The following STAG1 variants were observed in gnomAD, a reference collection of about 807,000 sequenced individuals.
The protein encoded by STAG1 is cohesin subunit SA-1.
In STAG1, 26 loss-of-function variants were observed where a neutral mutation model predicts 170.9. That is an observed-to-expected ratio of 0.15 (90% CI 0.11 to 0.21). The LOEUF (loss-of-function observed/expected upper bound fraction) is 0.21. Among genes scored for constraint, STAG1 ranks in the 10% least tolerant of loss-of-function variants. The probability of loss-of-function intolerance (pLI) is 1.00; values close to 1 mark genes in which losing one functional copy is unlikely to be tolerated. For missense variants in STAG1, 964 were observed against 1,509.5 expected, an observed-to-expected ratio of 0.64 and a Z score of 5.99; for synonymous variants, 514 against 497.7, an observed-to-expected ratio of 1.03 and a Z score of -0.44.
intron 13 of STAG1, among the ~76,000 whole-genome samples, chr3:136,463,886 C>A (rs1292527689): frequency 1.4e-5 from 2 of 142,624 alleles, no homozygotes; most frequent in Admixed American, 7.0e-5. Flanking sequence ...TACATATATA[C>A]TTATATATAC....
At chr3:136,394,708 T>A (rs143083192) in intron 22 of STAG1, among the ~76,000 whole-genome samples, 71 of 151,496 alleles carry the variant, frequency 4.7e-4, no homozygotes, top group African/African-American at 1.7e-3. Flanking sequence ...ATCCCAGCAA[T>A]TTGGGAGGCG....
intron 5 of STAG1, among the ~76,000 whole-genome samples, chr3:136,560,344 G>C (rs138331500): frequency 9.1e-4 from 139 of 152,194 alleles, no homozygotes; most frequent in African/African-American, 3.1e-3. Flanking sequence ...TCTGAAATTA[G>C]TTATGTTTAA....
chr3:136,347,961 T>C (rs1936295490), intron 29 of STAG1, among the ~76,000 whole-genome samples: 1 of 152,216 alleles, frequency 6.6e-6, no homozygotes, highest in African/African-American at 2.4e-5. Flanking sequence ...AACTCTCATG[T>C]TAGAATTTGT....
Position 136,466,619 on chromosome 3 carries a change from C to A in STAG1, c.1206-1631G>T, listed in dbSNP as rs531957796. Among the ~76,000 whole-genome samples the A allele has an allele frequency of 4.7e-4, 72 of 152,272 alleles. No homozygotes were observed. In the East Asian group the frequency reaches 9.1e-3, roughly 19 times the overall value. ...GGAGAACTTCCCCAATCTAGCAAGG[C>A]AGGCCAACGTTCAGATTCAGGAAAT... On this transcript the variant is annotated intron_variant, in intron 12 of 33. Coordinates refer to ENST00000383202, the MANE Select transcript of STAG1 (RefSeq NM_005862.3).
chr3:136,705,242 G>A (rs1943195258), intron 1 of STAG1, among the ~76,000 whole-genome samples: 1 of 152,132 alleles, frequency 6.6e-6, no homozygotes. Flanking sequence ...CACACGTGGT[G>A]GCATGCGCCT....
At chr3:136,579,813 T>C (rs1030704496) in intron 4 of STAG1, among the ~76,000 whole-genome samples, 3 of 152,138 alleles carry the variant, frequency 2.0e-5, no homozygotes, top group Non-Finnish European at 4.4e-5. Context: ...AGTACAATGC[T>C]GTCAGTGTAT....
At chr3:136,473,491 C>T (rs751137883) in intron 11 of STAG1, 48 bp downstream of exon 11, 2 of 1,373,646 alleles carry the variant, frequency 1.5e-6, no homozygotes, top group African/African-American at 1.4e-5. Context: ...CTGTAACTAG[C>T]ATTTGTAAAG....
chr3:136,347,400 A>AAAG (rs1446407173), intron 29 of STAG1, among the ~76,000 whole-genome samples: 1 of 128,210 alleles, frequency 7.8e-6, no homozygotes, highest in East Asian at 2.0e-4. Context: ...TGTCTCAAAA[A>AAAG]AAAAAAAAAA....
Position 136,700,957 on chromosome 3 carries a change from A to T in STAG1, c.-84+51238T>A, listed in dbSNP as rs1943040024. On this transcript the variant is annotated intron_variant, in intron 1 of 33. Coordinates refer to ENST00000383202, the MANE Select transcript of STAG1 (RefSeq NM_005862.3). ...AGTGCAGCGGCATGATCTTGGCTCA[A>T]TGCAACCTCGACCTCCCGGGTTCAA... is the stretch of plus-strand genomic sequence containing the variant. Among the ~76,000 whole-genome samples the T allele has an allele frequency of 2.2e-5, 3 of 137,918 alleles. No homozygotes were observed. The South Asian group carries it at 6.8e-4, about 31-fold the overall frequency. 90.5% of individuals were successfully genotyped at this position (137,918 alleles called of 152,430 possible).
At chr3:136,746,765 G>A (rs928016583) in intron 1 of STAG1, among the ~76,000 whole-genome samples, 2 of 151,600 alleles carry the variant, frequency 1.3e-5, no homozygotes, top group Non-Finnish European at 2.9e-5. Context: ...CCTGGCCTTA[G>A]GCAGGTGCTG....
At chr3:136,471,236 A>G (rs2089620051) in intron 12 of STAG1, among the ~76,000 whole-genome samples, 1 of 152,192 alleles carries the variant, frequency 6.6e-6, no homozygotes, top group Admixed American at 6.6e-5. Flanking sequence ...TCTCTTTAAA[A>G]AAGATGAGAA....
intron 3 of STAG1, among the ~76,000 whole-genome samples, chr3:136,616,226 G>T (rs938398536): frequency 6.6e-6 from 1 of 150,702 alleles, no homozygotes; most frequent in Non-Finnish European, 1.5e-5. Flanking sequence ...CCGAGATCGC[G>T]CCACTGCACT....
At chr3:136,485,998 T>C (rs1047425346) in intron 9 of STAG1, among the ~76,000 whole-genome samples, 4 of 152,250 alleles carry the variant, frequency 2.6e-5, no homozygotes, top group African/African-American at 9.6e-5. Flanking sequence ...CCTGTGCAGA[T>C]ATGTGGGAGT....
At chr3:136,591,463 G>A (rs987883366) in intron 4 of STAG1, 3 of 296,604 alleles carry the variant, frequency 1.0e-5, no homozygotes, top group East Asian at 1.2e-4. Context: ...CCAGCTACTC[G>A]AGAGGCTCAG....
chr3:136,357,910 C>T, intron 27 of STAG1, 62 bp from the exon 28 acceptor site: 1 of 1,363,484 alleles, frequency 7.3e-7, no homozygotes, highest in Non-Finnish European at 1.0e-6. Flanking sequence ...AATTAGCTAA[C>T]ATTACACAAA....
At chr3:136,701,929 C>T (rs1392865259) in intron 1 of STAG1, among the ~76,000 whole-genome samples, 1 of 151,924 alleles carries the variant, frequency 6.6e-6, no homozygotes, top group Non-Finnish European at 1.5e-5. Flanking sequence ...TAGATTTTAA[C>T]TGCTAAGTCA....
intron 1 of STAG1, among the ~76,000 whole-genome samples, chr3:136,641,653 C>T (rs905628987): frequency 6.6e-6 from 1 of 152,218 alleles, no homozygotes; most frequent in Non-Finnish European, 1.5e-5. Context: ...GGCTAAGGAA[C>T]TGTCCCTGAT....
intron 1 of STAG1, among the ~76,000 whole-genome samples, chr3:136,694,752 G>T (rs1055524863): frequency 1.8e-4 from 28 of 152,128 alleles, no homozygotes; most frequent in Admixed American, 1.8e-3. Flanking sequence ...TTAGCTCAAG[G>T]GACACAGGAA....
At chr3:136,561,387 G>GT (rs954944260) in intron 5 of STAG1, among the ~76,000 whole-genome samples, 22 of 152,252 alleles carry the variant, frequency 1.4e-4, no homozygotes, top group Non-Finnish European at 2.8e-4. Context: ...TGTATTTGTT[G>GT]TTTGTTTTTG....
Sources: allele counts gnomAD v4.1 joint callset (sites outside exome capture counted in the v4.1 genomes callset), GRCh38; gene constraint gnomAD v4.1.1; transcripts MANE v1.5; gene names NCBI Gene and HGNC (gene_info 2026-07-23, HGNC 2026-07-21).